The following CTNNA3 variants were observed in gnomAD, a reference collection of about 807,000 sequenced individuals.
The protein encoded by CTNNA3 is catenin alpha 3, also known as catenin alpha-3.
In CTNNA3, 76 loss-of-function variants were observed where a neutral mutation model predicts 95.7. The observed-to-expected ratio is 0.79, with a 90% confidence interval of 0.66 to 0.96. The LOEUF is 0.96. CTNNA3 is among the 40% of genes least tolerant of loss of function. The pLI is 0.00. For missense variants in CTNNA3, 1,191 were observed against 1,089.8 expected, an observed-to-expected ratio of 1.09 and a Z score of -1.31; for synonymous variants, 431 against 374.4, an observed-to-expected ratio of 1.15 and a Z score of -1.74.
chr10:66,569,203 A>G (rs1317840096), intron 10 of CTNNA3, among the ~76,000 whole-genome samples: 2 of 152,070 alleles, frequency 1.3e-5, no homozygotes, highest in Admixed American at 1.3e-4. Context: ...GAGGAGAGAA[A>G]GGGGATGTGG....
intron 12 of CTNNA3, among the ~76,000 whole-genome samples, chr10:66,356,732 T>C (rs1388909842): frequency 1.3e-5 from 2 of 152,066 alleles, no homozygotes; most frequent in Non-Finnish European, 2.9e-5. Context: ...AAGAATGATG[T>C]TAGCTGTGGG....
chr10:67,321,349 G>A (rs1286103188), intron 5 of CTNNA3, among the ~76,000 whole-genome samples: 1 of 152,094 alleles, frequency 6.6e-6, no homozygotes, highest in East Asian at 1.9e-4. Context: ...TCTCTAGAAG[G>A]AGCCTCTGGA....
intron 11 of CTNNA3, among the ~76,000 whole-genome samples, chr10:66,484,895 G>C (rs575798321): frequency 5.9e-5 from 9 of 151,996 alleles, no homozygotes; most frequent in Non-Finnish European, 1.5e-5. Flanking sequence ...ATAAAGTGGG[G>C]TTTATCCCTG....
At chr10:66,017,741 A>C (rs1279672501) in intron 15 of CTNNA3, among the ~76,000 whole-genome samples, 2 of 152,136 alleles carry the variant, frequency 1.3e-5, no homozygotes, top group Admixed American at 1.3e-4. Flanking sequence ...ACAAAATGCT[A>C]TGCATTGAAT....
rs186492398 is a variant in CTNNA3 at position 66,071,803 on chromosome 10, C to A, written c.1978-2314G>T. On this transcript the variant is annotated intron_variant, in intron 14 of 17. Transcript: ENST00000433211. ...TGAGTAAAGTGATGTTAACTGTCAA[C>A]CATTACTTACACAAATAGATTCAGT... is the stretch of plus-strand genomic sequence containing the variant. Among the ~76,000 whole-genome samples, 324 of 152,236 alleles carry A rather than the reference C, an allele frequency of 2.1e-3. 1 individual carries two copies. The highest frequency in any genetic ancestry group is 6.9e-3 in the African/African-American group (287 of 41,544).
At chr10:66,614,755 G>A (rs1844450484) in intron 10 of CTNNA3, among the ~76,000 whole-genome samples, 3 of 151,990 alleles carry the variant, frequency 2.0e-5, no homozygotes, top group Admixed American at 6.6e-5. Context: ...ATACTACATA[G>A]TGACTCAAAC....
At chr10:66,873,772 A>G (rs865992383) in intron 7 of CTNNA3, among the ~76,000 whole-genome samples, 1 of 152,164 alleles carries the variant, frequency 6.6e-6, no homozygotes, top group Non-Finnish European at 1.5e-5. Context: ...AAGATGGATT[A>G]AAGAGTTAAA....
chr10:66,445,556 C>A (rs2131805511), intron 11 of CTNNA3, among the ~76,000 whole-genome samples: 1 of 152,238 alleles, frequency 6.6e-6, no homozygotes, highest in South Asian at 2.1e-4. Context: ...AACGGAACAA[C>A]TTGCTCCTGA....
intron 5 of CTNNA3, among the ~76,000 whole-genome samples, chr10:67,261,682 T>C (rs1444392957): frequency 2.0e-5 from 3 of 152,218 alleles, no homozygotes; most frequent in Non-Finnish European, 2.9e-5. Context: ...TCAAAGAGGC[T>C]GTCATTTCAA....
chr10:66,425,267 CTAATA>C lies in CTNNA3; in HGVS notation c.1532-45920_1532-45916del, dbSNP rs368916718. 6.4e-3 allele frequency among the ~76,000 whole-genome samples: 964 copies of C among 151,602 alleles called. 5 individuals are homozygous for C. The highest frequency in any genetic ancestry group is 0.015 in the South Asian group (72 of 4,804). Reference sequence around the variant, plus strand: ...AAGATTAGCAGTTAGTTTTTTTAATCTAATATAATACATTTAATATTTTATTAGAA... The same window carrying C: ...AAGATTAGCAGTTAGTTTTTTTAATCTAATACATTTAATATTTTATTAGAA... On this transcript the variant is annotated intron_variant, in intron 11 of 17. Coordinates refer to ENST00000433211, the MANE Select transcript of CTNNA3 (RefSeq NM_013266.4).
At chr10:67,558,926 G>C (rs1215049255) in intron 3 of CTNNA3, among the ~76,000 whole-genome samples, 1 of 152,234 alleles carries the variant, frequency 6.6e-6, no homozygotes, top group Non-Finnish European at 1.5e-5. Flanking sequence ...GTGGCAGCGA[G>C]GCTGGGGGAG....
At chr10:66,664,087 A>G (rs1282698820) in intron 9 of CTNNA3, among the ~76,000 whole-genome samples, 1 of 151,968 alleles carries the variant, frequency 6.6e-6, no homozygotes, top group Non-Finnish European at 1.5e-5. Flanking sequence ...TTCTGTACTA[A>G]TTTTATATTT....
chr10:66,103,633 C>G (rs1168979965), intron 13 of CTNNA3, among the ~76,000 whole-genome samples: 1 of 152,150 alleles, frequency 6.6e-6, no homozygotes, highest in Non-Finnish European at 1.5e-5. Flanking sequence ...CAAAAGGCCA[C>G]ATATTGTATG....
chr10:67,436,682 C>T (rs944988321), intron 5 of CTNNA3, among the ~76,000 whole-genome samples: 2 of 152,042 alleles, frequency 1.3e-5, no homozygotes, highest in Non-Finnish European at 2.9e-5. Flanking sequence ...AGACAATTCT[C>T]AAAAGAAGAT....
intron 5 of CTNNA3, among the ~76,000 whole-genome samples, chr10:67,377,049 G>A (rs7083570): frequency 0.72 from 108,969 of 152,164 alleles, 43,098 homozygotes; most frequent in Non-Finnish European, 0.88. Flanking sequence ...GCATTCCAGT[G>A]CACAGATAAA....
At chr10:66,115,478 T>C (rs890183680) in intron 13 of CTNNA3, among the ~76,000 whole-genome samples, 2 of 151,852 alleles carry the variant, frequency 1.3e-5, no homozygotes, top group Admixed American at 6.6e-5. Context: ...GGGAAAGAGA[T>C]GTTGTGGTTT....
chr10:66,787,065 T>TGCAAAA (rs1393794849), intron 7 of CTNNA3, among the ~76,000 whole-genome samples: 54 of 152,344 alleles, frequency 3.5e-4, no homozygotes, highest in African/African-American at 1.1e-3. Context: ...AGTTCCTTTT[T>TGCAAAA]TCCTGCAAAA....
intron 9 of CTNNA3, among the ~76,000 whole-genome samples, chr10:66,627,447 G>A (rs1844977212): frequency 6.7e-6 from 1 of 148,518 alleles, no homozygotes. Context: ...TGATTTATGT[G>A]CATTACCTTA....
At chr10:65,944,905 AT>A (rs2077492187) in intron 17 of CTNNA3, among the ~76,000 whole-genome samples, 2 of 149,110 alleles carry the variant, frequency 1.3e-5, no homozygotes, top group Admixed American at 6.6e-5. Flanking sequence ...TCTATCATCT[AT>A]CTATCATCTA....
Sources: gnomAD v4.1 joint callset for allele counts (sites outside exome capture counted in the v4.1 genomes callset) on GRCh38, gnomAD v4.1.1 for gene constraint, MANE v1.5 for transcripts, NCBI Gene and HGNC (gene_info 2026-07-23, HGNC 2026-07-21) for gene names.